HS3ST3B1: variants seen among roughly 807,000 people sequenced by gnomAD.
HS3ST3B1 encodes heparan sulfate-glucosamine 3-sulfotransferase 3B1.
Under a neutral mutation model 21.3 loss-of-function variants are expected in HS3ST3B1, and 13 were observed. The observed-to-expected ratio is 0.61, with a 90% CI of 0.40 to 0.97. The LOEUF is 0.97. HS3ST3B1 is among the 50% of genes least tolerant of loss of function. The probability of loss-of-function intolerance (pLI) is 0.00; values close to 1 mark genes in which losing one functional copy is unlikely to be tolerated. For synonymous variants in HS3ST3B1, 234 were observed against 254.8 expected (o/e 0.92, Z 0.78); for missense variants, 459 against 554.8 (o/e 0.83, Z 1.73).
In HS3ST3B1 at chr17:14,347,147, G is replaced by T. The variant is rs1336177032; in HGVS notation, c.*1501G>T. 6.6e-6 allele frequency: 1 copy of T among 152,248 alleles called. No individual in the cohort carries two copies. The highest frequency in any genetic ancestry group is 1.5e-5 in the Non-Finnish European group (1 of 68,060). 9.4% of individuals were successfully genotyped at this position (152,248 alleles called of 1,614,324 possible). The stretch of plus-strand genomic sequence containing the variant: ...CTAAGAGTGGCCCTTGCAAAAAAAG[G>T]TTGGGAAAGCTGGGCCCATATTGCC... On this transcript the variant is annotated 3_prime_UTR_variant, in exon 2 of 2. Coordinates refer to ENST00000360954, the MANE Select transcript of HS3ST3B1 (RefSeq NM_006041.3).
Position 14,301,849 on chromosome 17 carries a change from C to T in HS3ST3B1, c.331C>T (p.Pro111Ser). The T allele has an allele frequency of 6.3e-7, 1 of 1,593,934 alleles. No individual in the cohort carries two copies. Among genetic ancestry groups the T allele is most frequent in the South Asian group, 1.1e-5 (1 of 87,736 alleles). ...GGAGATGGCCGAGGGCGCTGCGAGC[C>T]CGGAGGAGCAGAGTCCCGAGGTGCC... Reference protein sequence around the residue: ...GKEMAEGAASPEEQSPEVPDS... With the variant: ...GKEMAEGAASSEEQSPEVPDS... The change falls in exon 1 of 2, where the codon CCG becomes TCG. Residue 111 changes from proline (P) to serine (S), a missense_variant. Coordinates refer to ENST00000360954, the MANE Select transcript of HS3ST3B1 (RefSeq NM_006041.3).
At chr17:14,304,048 G>A (rs1389155322) in intron 1 of HS3ST3B1, 1 of 152,244 alleles carries the variant, frequency 6.6e-6, no homozygotes, top group African/African-American at 2.4e-5. Context: ...AATGAAGAAC[G>A]AAGTCGCGTG....
rs888801055 is a variant in HS3ST3B1, at chr17:14,303,769, T to C, written c.554+1697T>C. Reference sequence around the variant, plus strand: ...ACCACCACTCCCCCTCCTCCTGGGATGGTGATTCCAGGGCCAGGCGGCAGG... The same window carrying C: ...ACCACCACTCCCCCTCCTCCTGGGACGGTGATTCCAGGGCCAGGCGGCAGG... On this transcript the variant is annotated intron_variant, in intron 1 of 1. Transcript: ENST00000360954. This position sits in a 1 kb window ranked among gnomAD's most constrained non-coding sequence, Gnocchi z 5.7. 1.3e-5 allele frequency: 2 copies of C among 152,258 alleles called. No homozygotes were observed. Among genetic ancestry groups the C allele is most frequent in the Non-Finnish European group, 1.5e-5 (1 of 68,124 alleles). 9.4% of individuals were successfully genotyped at this position (152,258 alleles called of 1,614,324 possible). A position where few individuals can be genotyped will look rare whatever the true frequency, so the allele number is the denominator to read the frequency against.
At chr17:14,318,778 A>G (rs1909573988) in intron 1 of HS3ST3B1, among the ~76,000 whole-genome samples, 1 of 152,120 alleles carries the variant, frequency 6.6e-6, no homozygotes, top group Admixed American at 6.5e-5. Context: ...TCAGTCTTTC[A>G]CTGTTATTTT....
chr17:14,322,902 T>C (rs1177585145), intron 1 of HS3ST3B1, among the ~76,000 whole-genome samples: 1 of 144,700 alleles, frequency 6.9e-6, no homozygotes, highest in Non-Finnish European at 1.5e-5. Context: ...CTATGTCTTT[T>C]TTTTTTTTTT....
Position 14,301,768 on chromosome 17 carries a change from A to G in HS3ST3B1, c.250A>G (p.Thr84Ala), listed in dbSNP as rs1474576340. ...PPALATAPDG[T>A]PPRLPFRAPP... is the part of the protein sequence containing the mutation. ...AGCCCTGGCCACAGCTCCGGACGGG[A>G]CGCCCCCCAGGCTGCCGTTCCGGGC... The change falls in exon 1 of 2, where the codon ACG (threonine) becomes GCG (alanine). Residue 84 changes from threonine (T) to alanine (A), a missense_variant. Thr to Ala is a moderately conservative substitution (Grantham distance 58). Transcript: ENST00000360954. The G allele has an allele frequency of 6.4e-7, 1 of 1,573,880 alleles. No homozygotes were observed. The highest frequency in any genetic ancestry group is 8.6e-7 in the Non-Finnish European group (1 of 1,160,680).
intron 1 of HS3ST3B1, among the ~76,000 whole-genome samples, chr17:14,319,385 T>G (rs897210270): frequency 6.6e-6 from 1 of 152,182 alleles, no homozygotes; most frequent in African/African-American, 2.4e-5. Context: ...CCCTGAGGAT[T>G]GATTATATCC....
intron 1 of HS3ST3B1, among the ~76,000 whole-genome samples, chr17:14,341,371 C>T (rs1473685784): frequency 6.6e-6 from 1 of 152,160 alleles, no homozygotes; most frequent in East Asian, 1.9e-4. Flanking sequence ...GAATGAGTGA[C>T]AAGTCCCCTG....
At chr17:14,321,893 T>G (rs1909669200) in intron 1 of HS3ST3B1, among the ~76,000 whole-genome samples, 1 of 151,994 alleles carries the variant, frequency 6.6e-6, no homozygotes, top group Non-Finnish European at 1.5e-5. Flanking sequence ...AGTAAGAGAT[T>G]TAGCTTCCAC....
At chr17:14,340,008 T>C (rs1274798672) in intron 1 of HS3ST3B1, among the ~76,000 whole-genome samples, 3 of 152,056 alleles carry the variant, frequency 2.0e-5, no homozygotes, top group Non-Finnish European at 4.4e-5. Context: ...TGCGCGGTTG[T>C]AGGGTGAGGG....
At chr17:14,305,516 T>C (rs943007898) in intron 1 of HS3ST3B1, 27 of 152,248 alleles carry the variant, frequency 1.8e-4, no homozygotes, top group African/African-American at 6.5e-4. Flanking sequence ...AAAGTTTCTC[T>C]TTGTGATTTT....
intron 1 of HS3ST3B1, among the ~76,000 whole-genome samples, chr17:14,332,311 G>T (rs936286164): frequency 2.0e-5 from 3 of 152,104 alleles, no homozygotes; most frequent in African/African-American, 7.2e-5. Context: ...GGACTGTAAT[G>T]ACCTTGCGGC....
intron 1 of HS3ST3B1, among the ~76,000 whole-genome samples, chr17:14,324,238 CT>C (rs1909741954): frequency 1.3e-5 from 2 of 152,130 alleles, no homozygotes; most frequent in Admixed American, 1.3e-4. Context: ...TTCCTCACCC[CT>C]CACCCTCAAA....
intron 1 of HS3ST3B1, among the ~76,000 whole-genome samples, chr17:14,333,027 G>A (rs1910068626): frequency 6.6e-6 from 1 of 151,862 alleles, no homozygotes; most frequent in African/African-American, 2.4e-5. Flanking sequence ...CAGGTGATGA[G>A]AATAATACCC....
chr17:14,337,477 G>A (rs908771586), intron 1 of HS3ST3B1, among the ~76,000 whole-genome samples: 2 of 150,684 alleles, frequency 1.3e-5, no homozygotes, highest in Admixed American at 6.6e-5. Context: ...ACAGGAGCCC[G>A]CCATCATGCC....
Position 14,345,559 on chromosome 17 carries a change from C to G in HS3ST3B1, c.1086C>G (p.Arg362=), listed in dbSNP as rs1266317559. Residue 362 remains arginine, a synonymous_variant, in exon 2 of 2, where the codon CGC becomes CGG. Transcript: ENST00000360954. ...TKGRTHPEID[R]EVVRRLREFY... ...GCAGGACCCATCCTGAGATCGACCG[C>G]GAGGTGGTGCGCAGGCTGCGCGAGT... is the stretch of plus-strand genomic sequence containing the variant. The G allele has an allele frequency of 1.9e-6, 3 of 1,585,012 alleles. No homozygotes were observed. The highest frequency in any genetic ancestry group is 3.4e-4 in the Middle Eastern group (2 of 5,900).
chr17:14,340,237 AT>A (rs1445180007), intron 1 of HS3ST3B1, among the ~76,000 whole-genome samples: 4 of 152,152 alleles, frequency 2.6e-5, no homozygotes, highest in Admixed American at 2.6e-4. Flanking sequence ...CTGATAAGTC[AT>A]TTTGGCATGA....
chr17:14,315,516 GT>G (rs1462463899), intron 1 of HS3ST3B1, among the ~76,000 whole-genome samples: 2 of 152,126 alleles, frequency 1.3e-5, no homozygotes, highest in Admixed American at 1.3e-4. Context: ...GCTATTCCAC[GT>G]TTCTTTGAGT....
rs1908957105 is a variant in HS3ST3B1, at chr17:14,302,156, GCAGGGTTA to G, written c.554+88_554+95del. ...AGACATGGCGTATGATAGGGAATTG[GCAGGGTTA>G]CAGCTTCGGACCACCCGGGGTAGGG... is the stretch of plus-strand genomic sequence containing the variant. On this transcript the variant is annotated intron_variant, in intron 1 of 1. Coordinates refer to ENST00000360954, the MANE Select transcript of HS3ST3B1 (RefSeq NM_006041.3). The G allele has an allele frequency of 8.9e-6, 13 of 1,461,508 alleles. No individual in the cohort carries two copies. In the South Asian group the frequency reaches 1.7e-4, roughly 19 times the overall value. 90.5% of individuals were successfully genotyped at this position (1,461,508 alleles called of 1,614,324 possible). A position where few individuals can be genotyped will look rare whatever the true frequency, so the allele number is the denominator to read the frequency against.
Sources: gnomAD v4.1 joint callset for allele counts (sites outside exome capture counted in the v4.1 genomes callset) on GRCh38, gnomAD v4.1.1 for gene constraint, Gnocchi (gnomAD v3.1) non-coding constraint, MANE v1.5 for transcripts, NCBI Gene and HGNC (gene_info 2026-07-23, HGNC 2026-07-21) for gene names.